Variants in LAPTM4B observed in about 807,000 individuals in gnomAD.
The protein encoded by LAPTM4B is lysosomal protein transmembrane 4 beta.
In LAPTM4B, 26 loss-of-function variants were observed where a neutral mutation model predicts 28.5. That is an observed-to-expected ratio of 0.91 (90% CI 0.67 to 1.27). The LOEUF (loss-of-function observed/expected upper bound fraction) is 1.27, where lower values mean the gene tolerates loss of function less well. Ranked by LOEUF, LAPTM4B falls within the 50% of genes most tolerant of loss-of-function variation. The probability of loss-of-function intolerance (pLI) is 0.00; values close to 1 mark genes in which losing one functional copy is unlikely to be tolerated. For missense variants in LAPTM4B, 288 were observed against 285.8 expected (o/e 1.01, Z -0.06); for synonymous variants, 109 against 106.4 (o/e 1.02, Z -0.15).
chr8:97,830,383 G>C (rs1269077334), intron 6 of LAPTM4B, among the ~76,000 whole-genome samples: 1 of 152,150 alleles, frequency 6.6e-6, no homozygotes, highest in Non-Finnish European at 1.5e-5. Flanking sequence ...GCACCTTGAG[G>C]GTGAGACCAG....
intron 2 of LAPTM4B, 71 bp downstream of exon 2, chr8:97,805,535 A>G (rs1816746659): frequency 1.2e-6 from 1 of 835,968 alleles, no homozygotes; most frequent in East Asian, 2.4e-5. Context: ...TTAAATTACA[A>G]ATATAGACTC....
intron 1 of LAPTM4B, among the ~76,000 whole-genome samples, chr8:97,778,631 G>T (rs1047866825): frequency 2.0e-5 from 3 of 152,118 alleles, no homozygotes; most frequent in Non-Finnish European, 2.9e-5. Flanking sequence ...CCAAAGCCCC[G>T]CGTCTGTCAC....
intron 1 of LAPTM4B, among the ~76,000 whole-genome samples, chr8:97,803,186 G>A (rs1816713828): frequency 7.3e-6 from 1 of 137,234 alleles, no homozygotes. Context: ...GTGACAGAGT[G>A]AGACTCCGTC....
chr8:97,842,481 G>A (rs570146364), intron 6 of LAPTM4B, among the ~76,000 whole-genome samples: 7 of 152,188 alleles, frequency 4.6e-5, no homozygotes, highest in East Asian at 1.9e-4. Context: ...CAGGAGGGCC[G>A]GCAAACAGGA....
intron 2 of LAPTM4B, among the ~76,000 whole-genome samples, chr8:97,812,011 T>G (rs13261020): frequency 0.46 from 69,191 of 151,302 alleles, 16,187 homozygotes; most frequent in East Asian, 0.57. Flanking sequence ...TTGCCATGTT[T>G]CCCAAGTTGG....
intron 4 of LAPTM4B, among the ~76,000 whole-genome samples, chr8:97,818,066 G>A (rs1816949695): frequency 6.6e-6 from 1 of 152,236 alleles, no homozygotes; most frequent in Non-Finnish European, 1.5e-5. Context: ...GCCTGCCTCA[G>A]CCTCCCAAAG....
At chr8:97,826,243 C>G (rs1586338823) in intron 6 of LAPTM4B, among the ~76,000 whole-genome samples, 1 of 152,118 alleles carries the variant, frequency 6.6e-6, no homozygotes, top group African/African-American at 2.4e-5. Context: ...TTCTTGAGTT[C>G]AATCAAATAT....
At chr8:97,783,039 T>C (rs1403165164) in intron 1 of LAPTM4B, among the ~76,000 whole-genome samples, 1 of 149,860 alleles carries the variant, frequency 6.7e-6, no homozygotes, top group Non-Finnish European at 1.5e-5. Flanking sequence ...TCCCAAAGTG[T>C]TGGGATTACA....
rs141078741 is a variant in LAPTM4B at position 97,818,768 on chromosome 8, C to T, written c.409-372C>T. On this transcript the variant is annotated intron_variant, in intron 4 of 6. Transcript: ENST00000521545. ...GGCGGCTGGAGTGCAGTGGCATGAT[C>T]TCGCTCACTGCAACCTCCACCACCA... 3.2e-3 allele frequency among the ~76,000 whole-genome samples: 488 copies of T among 151,868 alleles called. 13 individuals carry two copies. In the East Asian group the frequency reaches 0.061, roughly 19 times the overall value.
intron 6 of LAPTM4B, among the ~76,000 whole-genome samples, chr8:97,842,809 G>A (rs961550691): frequency 4.0e-5 from 6 of 151,614 alleles, no homozygotes; most frequent in Admixed American, 2.6e-4. Flanking sequence ...GAGCCACCGC[G>A]CCTGGCCTAA....
intron 6 of LAPTM4B, among the ~76,000 whole-genome samples, chr8:97,839,529 A>G (rs1817313818): frequency 6.6e-6 from 1 of 152,172 alleles, no homozygotes; most frequent in South Asian, 2.1e-4. Flanking sequence ...GGTCTGCTGG[A>G]AATTATCTCC....
At chr8:97,827,654 T>C (rs1338284166) in intron 6 of LAPTM4B, among the ~76,000 whole-genome samples, 1 of 152,122 alleles carries the variant, frequency 6.6e-6, no homozygotes, top group Non-Finnish European at 1.5e-5. Context: ...TGACACTGTT[T>C]CCAGGTAGAT....
At chr8:97,801,394 C>G (rs973006913) in intron 1 of LAPTM4B, among the ~76,000 whole-genome samples, 2 of 152,124 alleles carry the variant, frequency 1.3e-5, no homozygotes, top group Admixed American at 6.5e-5. Flanking sequence ...GTTGGCCAAA[C>G]TGGTCTCAAA....
At chr8:97,796,326 G>A (rs1223331474) in intron 1 of LAPTM4B, among the ~76,000 whole-genome samples, 1 of 152,150 alleles carries the variant, frequency 6.6e-6, no homozygotes, top group Non-Finnish European at 1.5e-5. Context: ...CTGATCTCCT[G>A]GACTCAAGCA....
chr8:97,789,537 T>G (rs1007159099), intron 1 of LAPTM4B, among the ~76,000 whole-genome samples: 17 of 151,588 alleles, frequency 1.1e-4, no homozygotes, highest in Non-Finnish European at 1.8e-4. Flanking sequence ...TTTTTTTTTT[T>G]TTTTTGAGAG....
chr8:97,786,270 C>G (rs192392787), intron 1 of LAPTM4B, among the ~76,000 whole-genome samples: 5 of 152,074 alleles, frequency 3.3e-5, no homozygotes, highest in Non-Finnish European at 7.3e-5. Flanking sequence ...TTGCTCCTAA[C>G]GTTTTAAGAG....
chr8:97,821,579 GTA>G (rs1817004168), intron 5 of LAPTM4B, among the ~76,000 whole-genome samples: 1 of 151,262 alleles, frequency 6.6e-6, no homozygotes. Flanking sequence ...GGATAGAAAG[GTA>G]GTGGTGCATC....
intron 1 of LAPTM4B, among the ~76,000 whole-genome samples, chr8:97,788,578 C>T (rs896746384): frequency 4.6e-5 from 7 of 152,134 alleles, no homozygotes; most frequent in African/African-American, 1.7e-4. Flanking sequence ...ACCCAAAGTA[C>T]ACAGCCCATC....
In LAPTM4B at chr8:97,815,369, A is replaced by T; in HGVS notation, c.253A>T (p.Ile85Leu). The T allele has an allele frequency of 6.2e-7, 1 of 1,613,928 alleles. No individual in the cohort carries two copies. The highest frequency in any genetic ancestry group is 8.5e-7 in the Non-Finnish European group (1 of 1,179,888). The change falls in exon 3 of 7, where the codon ATA (isoleucine) becomes TTA (leucine). Residue 85 changes from isoleucine to leucine, a missense_variant. Transcript: ENST00000521545. ...AIAISLLMIL[I>L]CAMATYGAYK... ...TGCGATTTCTCTTCTCATGATCCTG[A>T]TATGTGCTATGGCTACTTACGGAGC...
Sources: gnomAD v4.1 joint callset for allele counts (sites outside exome capture counted in the v4.1 genomes callset) on GRCh38, gnomAD v4.1.1 for gene constraint, MANE v1.5 for transcripts, NCBI Gene and HGNC (gene_info 2026-07-23, HGNC 2026-07-21) for gene names.